Variants in CTNND2 observed in about 807,000 individuals in gnomAD.
The protein encoded by CTNND2 is catenin delta 2, also known as catenin delta-2.
Under a neutral mutation model 144.4 loss-of-function variants are expected in CTNND2, and 22 were observed. That is an observed-to-expected ratio of 0.15 (90% CI 0.11 to 0.22). The LOEUF (loss-of-function observed/expected upper bound fraction) is 0.22. Among genes scored for constraint, CTNND2 ranks in the 10% least tolerant of loss-of-function variants. CTNND2 has a pLI of 1.00. For missense variants in CTNND2, 1,353 were observed against 1,618.8 expected, an observed-to-expected ratio of 0.84 and a Z score of 2.82; for synonymous variants, 751 against 695.6, an observed-to-expected ratio of 1.08 and a Z score of -1.25.
intron 3 of CTNND2, among the ~76,000 whole-genome samples, chr5:11,518,367 G>C (rs748048389): frequency 6.2e-4 from 94 of 152,222 alleles, no homozygotes; most frequent in Non-Finnish European, 6.6e-4. Context: ...TTAGAAAAGA[G>C]TCAAAAAGTG....
chr5:11,122,709 G>A (rs1221393151), intron 12 of CTNND2, among the ~76,000 whole-genome samples: 1 of 152,030 alleles, frequency 6.6e-6, no homozygotes, highest in Non-Finnish European at 1.5e-5. Context: ...CTGGGTTCCT[G>A]AGACCATATA....
rs1466619863 is a variant in CTNND2, at chr5:11,338,924, A to AT, written c.1628+7447dup. ...TGAGGGCTGAGTACACAGTTCCTTC[A>AT]TTTTTTTTTTTTTTTTTTTTTTTTT... On this transcript the variant is annotated intron_variant, in intron 9 of 21. Transcript: ENST00000304623. 2.0e-3 allele frequency among the ~76,000 whole-genome samples: 8 copies of AT among 4,100 alleles called. 2 individuals are homozygous for AT. Among genetic ancestry groups the AT allele is most frequent in the Non-Finnish European group, 2.6e-3 (8 of 3,080 alleles). 2.7% of individuals were successfully genotyped at this position (4,100 alleles called of 152,430 possible). A position where few individuals can be genotyped will look rare whatever the true frequency, so the allele number is the denominator to read the frequency against.
intron 3 of CTNND2, among the ~76,000 whole-genome samples, chr5:11,489,935 C>A (rs1022553850): frequency 1.3e-5 from 2 of 152,164 alleles, no homozygotes; most frequent in Non-Finnish European, 2.9e-5. Flanking sequence ...TCCACCTGCT[C>A]TAGTAATGGC....
chr5:11,713,695 T>C (rs1040378305), intron 2 of CTNND2, among the ~76,000 whole-genome samples: 1 of 152,000 alleles, frequency 6.6e-6, no homozygotes, highest in Admixed American at 6.6e-5. Context: ...CTGGATATCA[T>C]TAGAATATCT....
intron 2 of CTNND2, among the ~76,000 whole-genome samples, chr5:11,707,294 A>G (rs1279585365): frequency 6.6e-6 from 1 of 152,162 alleles, no homozygotes; most frequent in Non-Finnish European, 1.5e-5. Flanking sequence ...GACTTTTGAC[A>G]AGGTGTGACT....
chr5:11,844,775 C>T (rs1794653079), intron 1 of CTNND2, among the ~76,000 whole-genome samples: 3 of 152,070 alleles, frequency 2.0e-5, no homozygotes, highest in Non-Finnish European at 4.4e-5. Context: ...CTGTATTTTC[C>T]TGGCAACCTA....
chr5:10,995,319 A>T (rs1031317552), intron 18 of CTNND2, among the ~76,000 whole-genome samples: 4 of 152,212 alleles, frequency 2.6e-5, no homozygotes, highest in African/African-American at 9.6e-5. Flanking sequence ...AACTACAGGA[A>T]GCATCAGGAG....
intron 2 of CTNND2, among the ~76,000 whole-genome samples, chr5:11,646,094 GTCCT>G (rs1782332277): frequency 1.3e-5 from 2 of 150,852 alleles, no homozygotes; most frequent in African/African-American, 4.9e-5. Flanking sequence ...TTTCTTCTCT[GTCCT>G]TTTTTCTTCT....
At chr5:11,180,997 G>A (rs1290268077) in intron 11 of CTNND2, among the ~76,000 whole-genome samples, 3 of 152,172 alleles carry the variant, frequency 2.0e-5, no homozygotes, top group African/African-American at 7.2e-5. Flanking sequence ...CCAAGTCTGT[G>A]CACTTGAGGT....
intron 16 of CTNND2, among the ~76,000 whole-genome samples, chr5:11,064,174 C>T (rs538757368): frequency 2.0e-5 from 3 of 152,256 alleles, no homozygotes; most frequent in African/African-American, 7.2e-5. Context: ...GGTGTGTTCC[C>T]TTCCATTTCT....
intron 2 of CTNND2, among the ~76,000 whole-genome samples, chr5:11,699,097 G>C (rs1411460682): frequency 6.6e-6 from 1 of 151,678 alleles, no homozygotes; most frequent in Non-Finnish European, 1.5e-5. Flanking sequence ...CTTTTAAAAA[G>C]AGTTACTTTA....
chr5:11,502,365 G>A (rs1211447366), intron 3 of CTNND2, among the ~76,000 whole-genome samples: 1 of 152,144 alleles, frequency 6.6e-6, no homozygotes, highest in Admixed American at 6.5e-5. Context: ...GGAGTGTAGT[G>A]TGGAAAACAG....
intron 21 of CTNND2, among the ~76,000 whole-genome samples, chr5:10,977,223 T>G (rs1424032326): frequency 6.6e-6 from 1 of 152,190 alleles, no homozygotes; most frequent in East Asian, 1.9e-4. Flanking sequence ...CAATTACAAC[T>G]GGCCTGCTCA....
chr5:11,806,997 G>T, intron 1 of CTNND2, among the ~76,000 whole-genome samples: 1 of 151,956 alleles, frequency 6.6e-6, no homozygotes, highest in Non-Finnish European at 1.5e-5. Context: ...GTTGCTAATG[G>T]GTGTGTATTC....
At chr5:11,596,351 T>C (rs542799471) in intron 2 of CTNND2, among the ~76,000 whole-genome samples, 1 of 152,314 alleles carries the variant, frequency 6.6e-6, no homozygotes, top group South Asian at 2.1e-4. Context: ...AATAATACTC[T>C]GTCAAGACAG....
At chr5:11,215,015 TG>T (rs1325032664) in intron 10 of CTNND2, among the ~76,000 whole-genome samples, 3 of 152,352 alleles carry the variant, frequency 2.0e-5, no homozygotes, top group Middle Eastern at 3.4e-3. Context: ...GCAGAGATCT[TG>T]CCCGACTTGC....
rs61762960 is a variant in CTNND2, at chr5:11,808,527, C to G, written c.38-76255G>C. Among the ~76,000 whole-genome samples, 2,183 of 152,306 alleles carry G rather than the reference C, an allele frequency of 0.014. 127 individuals are homozygous for G. In the East Asian group the frequency reaches 0.19, roughly 13 times the overall value. On this transcript the variant is annotated intron_variant, in intron 1 of 21. Coordinates refer to ENST00000304623, the MANE Select transcript of CTNND2 (RefSeq NM_001332.4). The stretch of plus-strand genomic sequence containing the variant: ...TGGTCTGCAAGCAGTTTCATGCCAA[C>G]TGCTCTGAAGTGCTTTTCATAGCTG...
At chr5:11,234,565 C>T (rs1033504892) in intron 10 of CTNND2, among the ~76,000 whole-genome samples, 3 of 152,186 alleles carry the variant, frequency 2.0e-5, no homozygotes, top group African/African-American at 7.2e-5. Flanking sequence ...CTGTGTTCAC[C>T]ACAGTGCACT....
intron 9 of CTNND2, among the ~76,000 whole-genome samples, chr5:11,299,497 C>G (rs1282288471): frequency 6.6e-6 from 1 of 152,138 alleles, no homozygotes; most frequent in Non-Finnish European, 1.5e-5. Context: ...ATGAGGTACA[C>G]CCAAGGAGCA....
Sources: gnomAD v4.1 joint callset for allele counts (sites outside exome capture counted in the v4.1 genomes callset) on GRCh38, gnomAD v4.1.1 for gene constraint, MANE v1.5 for transcripts, NCBI Gene and HGNC (gene_info 2026-07-23, HGNC 2026-07-21) for gene names.